The following PTPN20 variants were observed in gnomAD, a reference collection of about 807,000 sequenced individuals.
PTPN20 encodes tyrosine-protein phosphatase non-receptor type 20.
In PTPN20, 9 loss-of-function variants were observed where a neutral mutation model predicts 35.0. That is an observed-to-expected ratio of 0.26 (90% confidence interval 0.15 to 0.45). The LOEUF (loss-of-function observed/expected upper bound fraction) is 0.45, where lower values mean the gene tolerates loss of function less well. Among genes scored for constraint, PTPN20 ranks in the 20% least tolerant of loss-of-function variants. The pLI, the probability that PTPN20 is intolerant of heterozygous loss-of-function variation, is 1.00. For synonymous variants in PTPN20, 32 were observed against 100.2 expected, an observed-to-expected ratio of 0.32 and a Z score of 4.06; for missense variants, 111 against 312.5, an observed-to-expected ratio of 0.36 and a Z score of 4.86.
Position 46,999,966 on chromosome 10 carries a change from CA to C in PTPN20, c.1192del (p.Thr398ArgfsTer20), listed in dbSNP as rs1565653394. On this transcript the variant is annotated frameshift_variant, in exon 10 of 11. Coordinates refer to ENST00000374339, the MANE Select transcript of PTPN20 (RefSeq NM_001042357.5). LOFTEE classifies it high-confidence loss of function. ...QMREQRSGMV[Q>X]TKEQYHFCYD... ...GAGAGAACAACGTTCTGGCATGGTT[CA>C]AACGAAGGTAAGCTTTCACCACATA... The C allele has an allele frequency of 1.2e-6, 2 of 1,613,700 alleles. No individual in the cohort carries two copies. Among genetic ancestry groups the C allele is most frequent in the Admixed American group, 3.3e-5 (2 of 59,994 alleles).
At chr10:46,948,991 C>T in intron 5 of PTPN20, among the ~76,000 whole-genome samples, 1 of 150,572 alleles carries the variant, frequency 6.6e-6, no homozygotes, top group East Asian at 2.0e-4. Context: ...GGGCTTAGGA[C>T]TGTTTTCTGC....
In PTPN20 at chr10:46,940,434, C is replaced by G. The variant is rs1450301179; in HGVS notation, c.35-189C>G. 310 of 618,488 alleles carry G rather than the reference C, an allele frequency of 5.0e-4. No homozygotes were observed. The African/African-American group carries it at 5.4e-3, about 11-fold the overall frequency. 38.3% of individuals were successfully genotyped at this position (618,488 alleles called of 1,614,324 possible). A position where few individuals can be genotyped will look rare whatever the true frequency, so the allele number is the denominator to read the frequency against. ...AATCCTAGAAGAAGGATCAGCTTTG[C>G]TATGTTGATTTTTTCAAAGCAGGGG... On this transcript the variant is annotated intron_variant, in intron 2 of 10. Coordinates refer to ENST00000374339, the MANE Select transcript of PTPN20 (RefSeq NM_001042357.5).
At chr10:46,940,009 G>A (rs1324872011) in intron 2 of PTPN20, among the ~76,000 whole-genome samples, 1 of 152,092 alleles carries the variant, frequency 6.6e-6, no homozygotes, top group Non-Finnish European at 1.5e-5. Context: ...TGAGTGCTCA[G>A]TACTGAGATC....
chr10:46,977,290 C>T (rs2054036666), intron 7 of PTPN20, among the ~76,000 whole-genome samples: 1 of 152,288 alleles, frequency 6.6e-6, no homozygotes, highest in Non-Finnish European at 1.5e-5. Context: ...TTGCCAGTCC[C>T]CACAATCATG....
intron 5 of PTPN20, chr10:46,946,942 C>A: frequency 2.5e-6 from 1 of 400,860 alleles, no homozygotes; most frequent in Non-Finnish European, 4.3e-6. Flanking sequence ...TTTTTTAAAG[C>A]TAGGTATTTT....
At position 46,926,795 on chromosome 10, in the gene PTPN20, T is replaced by C. The variant is rs1326513233; in HGVS notation, c.-123-5582T>C. ...CCTTGTGGAGTCACATAGGATGCACTTAATTTTCTGAATAACAAGGTATGG... is the reference window on the plus strand; with the variant it reads ...CCTTGTGGAGTCACATAGGATGCACCTAATTTTCTGAATAACAAGGTATGG... On this transcript the variant is annotated intron_variant, in intron 1 of 10. Coordinates refer to ENST00000374339, the MANE Select transcript of PTPN20 (RefSeq NM_001042357.5). Among the ~76,000 whole-genome samples, 6 of 151,742 alleles carry C rather than the reference T, an allele frequency of 4.0e-5. 2 individuals carry two copies. Among genetic ancestry groups the C allele is most frequent in the African/African-American group, 1.5e-4 (6 of 41,024 alleles).
intron 7 of PTPN20, among the ~76,000 whole-genome samples, chr10:46,968,700 A>G (rs1473236598): frequency 6.6e-6 from 1 of 151,854 alleles, no homozygotes; most frequent in African/African-American, 2.4e-5. Context: ...AAAGTTTTTC[A>G]AAACTAAATT....
Position 46,990,371 on chromosome 10 carries a change from T to G in PTPN20, c.1134+2816T>G, listed in dbSNP as rs1371063567. ...CTGGGAGACAGAGCGAGACTCCATCTCAAAAAAAAAAAAATTGTTTGTTGA... is the reference window on the plus strand; with the variant it reads ...CTGGGAGACAGAGCGAGACTCCATCGCAAAAAAAAAAAAATTGTTTGTTGA... On this transcript the variant is annotated intron_variant, in intron 9 of 10. Transcript: ENST00000374339. Among the ~76,000 whole-genome samples, 2 of 104,490 alleles carry G rather than the reference T, an allele frequency of 1.9e-5. 1 individual carries two copies. The highest frequency in any genetic ancestry group is 1.7e-4 in the Admixed American group (2 of 12,002). The allele number at this position is 104,490 out of a possible 152,430, so 68.5% of individuals were successfully genotyped here. A position where few individuals can be genotyped will look rare whatever the true frequency, so the allele number is the denominator to read the frequency against.
chr10:46,930,302 A>G (rs797043721), intron 1 of PTPN20, among the ~76,000 whole-genome samples: 10,440 of 74,158 alleles, frequency 0.14, 869 homozygotes, highest in East Asian at 0.2. Flanking sequence ...GGAATGCAAG[A>G]TATAGCATGT....
rs1361379397 is a variant in PTPN20 at position 46,911,456 on chromosome 10, C to G, written c.-169C>G. On this transcript the variant is annotated 5_prime_UTR_variant, in exon 1 of 11. Coordinates refer to ENST00000374339, the MANE Select transcript of PTPN20 (RefSeq NM_001042357.5). ...CTAGGCGTGGACCCAACTGGCGAGG[C>G]TGCTGGGGTTGCAGCGGGACAGTTG... 3.3e-6 allele frequency: 1 copy of G among 304,408 alleles called. No individual in the cohort carries two copies. Among genetic ancestry groups the G allele is most frequent in the African/African-American group, 2.4e-5 (1 of 41,728 alleles). The allele number at this position is 304,408 out of a possible 1,614,324, so 18.9% of individuals were successfully genotyped here. A position where few individuals can be genotyped will look rare whatever the true frequency, so the allele number is the denominator to read the frequency against.
chr10:46,975,739 G>T (rs1369213330), intron 7 of PTPN20, among the ~76,000 whole-genome samples: 16 of 152,182 alleles, frequency 1.1e-4, no homozygotes, highest in Middle Eastern at 6.8e-3. Context: ...TCAGCTCACC[G>T]CACCCTTTGC....
intron 9 of PTPN20, among the ~76,000 whole-genome samples, chr10:46,996,859 A>T (rs1253344171): frequency 5.9e-5 from 9 of 152,160 alleles, no homozygotes; most frequent in Admixed American, 4.6e-4. Flanking sequence ...TGCCGGTACC[A>T]CCCTTTGGAT....
intron 1 of PTPN20, among the ~76,000 whole-genome samples, chr10:46,922,079 CT>C: frequency 7.4e-6 from 1 of 135,352 alleles, no homozygotes; most frequent in Non-Finnish European, 1.6e-5. Flanking sequence ...ACCAGGAAAT[CT>C]TTTTCTGTTG....
rs527246452 is a variant in PTPN20 at position 46,998,623 on chromosome 10, A to T, written c.1135-1289A>T. Among the ~76,000 whole-genome samples, 411 of 136,838 alleles carry T rather than the reference A, an allele frequency of 3.0e-3. 2 individuals are homozygous for T. The highest frequency in any genetic ancestry group is 9.5e-3 in the African/African-American group (372 of 39,078). 89.8% of individuals were successfully genotyped at this position (136,838 alleles called of 152,430 possible). ...TGCATGGAGCTCTGTGCATGCACAC[A>T]TGCACACATACACACTCTCACACAC... On this transcript the variant is annotated intron_variant, in intron 9 of 10. Transcript: ENST00000374339.
At chr10:46,936,051 T>C (rs1203465026) in intron 2 of PTPN20, among the ~76,000 whole-genome samples, 4 of 152,208 alleles carry the variant, frequency 2.6e-5, no homozygotes, top group Non-Finnish European at 5.9e-5. Context: ...CTCTGATGAT[T>C]AGTGATATTG....
chr10:46,953,704 A>G (rs1251823492), intron 5 of PTPN20, among the ~76,000 whole-genome samples: 8 of 143,094 alleles, frequency 5.6e-5, no homozygotes, highest in Non-Finnish European at 1.0e-4. Flanking sequence ...ATATACCGTG[A>G]GTTACTTTGG....
chr10:46,957,477 A>G (rs1255039417), intron 5 of PTPN20, among the ~76,000 whole-genome samples: 7 of 151,966 alleles, frequency 4.6e-5, no homozygotes, highest in Admixed American at 1.3e-4. Flanking sequence ...GGCTCATGCC[A>G]GTAATCTCAG....
At position 47,000,845 on chromosome 10, in the gene PTPN20, C is replaced by G; in HGVS notation, c.*104C>G. 7.2e-7 allele frequency: 1 copy of G among 1,383,772 alleles called. No individual in the cohort carries two copies. Among genetic ancestry groups the G allele is most frequent in the Non-Finnish European group, 1.0e-6 (1 of 971,362 alleles). The allele number at this position is 1,383,772 out of a possible 1,614,324, so 85.7% of individuals were successfully genotyped here. ...TGAAGGGCTTTGCTATGCATACAAT[C>G]TGCTTTCTTGGTTTATCAGTTTATT... On this transcript the variant is annotated 3_prime_UTR_variant, in exon 11 of 11. Coordinates refer to ENST00000374339, the MANE Select transcript of PTPN20 (RefSeq NM_001042357.5).
chr10:46,940,157 A>G, intron 2 of PTPN20, among the ~76,000 whole-genome samples: 2 of 149,358 alleles, frequency 1.3e-5, no homozygotes, highest in Admixed American at 1.3e-4. Flanking sequence ...AGCCGAAAAC[A>G]ATTTTCTGTA....
Sources: gnomAD v4.1 joint callset for allele counts (sites outside exome capture counted in the v4.1 genomes callset) on GRCh38, gnomAD v4.1.1 for gene constraint, MANE v1.5 for transcripts, NCBI Gene and HGNC (gene_info 2026-07-23, HGNC 2026-07-21) for gene names.